Variants in ADAMTS18 observed in about 807,000 individuals in gnomAD.
ADAMTS18 encodes ADAM metallopeptidase with thrombospondin type 1 motif 18.
ADAMTS18 carries 157 observed loss-of-function variants against 165.9 expected under a neutral mutation model. The ratio of observed to expected loss-of-function variants is 0.95; its 90% CI spans 0.83 to 1.08. ADAMTS18 has a LOEUF of 1.08. Among genes scored for constraint, ADAMTS18 ranks in the 50% least tolerant of loss-of-function variants. The pLI is 0.00. For synonymous variants in ADAMTS18, 782 were observed against 578.2 expected (o/e 1.35, Z -5.06); for missense variants, 2,040 against 1,534.0 (o/e 1.33, Z -5.51).
At chr16:77,345,799 CAGTT>C (rs1426591069) in intron 10 of ADAMTS18, among the ~76,000 whole-genome samples, 3 of 152,176 alleles carry the variant, frequency 2.0e-5, no homozygotes, top group Non-Finnish European at 2.9e-5. Context: ...GGATGGCACT[CAGTT>C]AGGGAGAGCC....
At chr16:77,356,223 A>T (rs2056628292) in intron 8 of ADAMTS18, 146 bp from the exon 9 acceptor site, 2 of 1,009,942 alleles carry the variant, frequency 2.0e-6, no homozygotes, top group Non-Finnish European at 3.0e-6. Flanking sequence ...AAGGCAAATT[A>T]CTATAGATTG....
intron 3 of ADAMTS18, among the ~76,000 whole-genome samples, chr16:77,405,156 G>A (rs904330004): frequency 6.6e-6 from 1 of 152,158 alleles, no homozygotes; most frequent in African/African-American, 2.4e-5. Context: ...GCTGGGACTG[G>A]GAGAGAAAAT....
In ADAMTS18 at chr16:77,368,761, G is replaced by C. The variant is rs77717124; in HGVS notation, c.496-1038C>G. Among the ~76,000 whole-genome samples, 782 of 152,276 alleles carry C rather than the reference G, an allele frequency of 5.1e-3. 11 individuals carry two copies. Among genetic ancestry groups the C allele is most frequent in the African/African-American group, 0.018 (752 of 41,554 alleles). ...AATGTTTTTAAAAAAAATCAGCAAG[G>C]ATGGCAGAGAAAGGCATGAGTGATG... On this transcript the variant is annotated intron_variant, in intron 3 of 22. Coordinates refer to ENST00000282849, the MANE Select transcript of ADAMTS18 (RefSeq NM_199355.4).
At position 77,282,504 on chromosome 16, in the gene ADAMTS18, C is replaced by T. The variant is rs963252574; in HGVS notation, c.*1452G>A. 5 of 152,516 alleles carry T rather than the reference C, an allele frequency of 3.3e-5. No homozygotes were observed. The highest frequency in any genetic ancestry group is 3.4e-3 in the Middle Eastern group (1 of 294). 9.4% of individuals were successfully genotyped at this position (152,516 alleles called of 1,614,324 possible). On this transcript the variant is annotated 3_prime_UTR_variant, in exon 23 of 23. Transcript: ENST00000282849. ...CTCATGACTTTAATTAGAATGGGAA[C>T]GAAGTATGCTGCTAAATTTAACAAA... is the stretch of plus-strand genomic sequence containing the variant.
At position 77,367,455 on chromosome 16, in the gene ADAMTS18, C is replaced by G. The variant is rs1370235251; in HGVS notation, c.764G>C (p.Gly255Ala). 1.7e-5 allele frequency: 28 copies of G among 1,614,094 alleles called. No homozygotes were observed. The East Asian group carries it at 6.2e-4, about 36-fold the overall frequency. The change falls in exon 4 of 23, where the codon GGA becomes GCA. Residue 255 changes from glycine (G) to alanine (A), a missense_variant. Transcript: ENST00000282849. ...TCCTTACATACATTTCTTGCGTCGT[C>G]CACAAAAATGCTGCTTTTGCAACCT... is the stretch of plus-strand genomic sequence containing the variant. ...HRRLQKQHFC[G>A]RRKKYAPKPP...
chr16:77,332,957 TG>T (rs892793210), intron 12 of ADAMTS18, among the ~76,000 whole-genome samples: 1 of 152,228 alleles, frequency 6.6e-6, no homozygotes, highest in Non-Finnish European at 1.5e-5. Flanking sequence ...CAACACGTGT[TG>T]ATGTACATTC....
In ADAMTS18 at chr16:77,283,936, T is replaced by A. The variant is rs189963396; in HGVS notation, c.*20A>T. ...GAAAGGTAAGCCCCTGGCCCTAAGG[T>A]GCTGGGGAGGACACCAAGATCAGAT... On this transcript the variant is annotated 3_prime_UTR_variant, in exon 23 of 23. Coordinates refer to ENST00000282849, the MANE Select transcript of ADAMTS18 (RefSeq NM_199355.4). 6.5e-5 allele frequency: 103 copies of A among 1,579,980 alleles called. No individual in the cohort carries two copies. The East Asian group carries it at 2.0e-3, about 31-fold the overall frequency.
intron 16 of ADAMTS18, among the ~76,000 whole-genome samples, chr16:77,303,938 G>T (rs2055635424): frequency 6.6e-6 from 1 of 152,140 alleles, no homozygotes; most frequent in South Asian, 2.1e-4. Context: ...GCTGAGGCAG[G>T]AGAAGGGCGT....
rs1331401019 is a variant in ADAMTS18 at position 77,282,904 on chromosome 16, C to CTG, written c.*1051_*1052insCA. The CTG allele has an allele frequency of 3.9e-5, 3 of 77,760 alleles. No individual in the cohort carries two copies. The highest frequency in any genetic ancestry group is 8.1e-5 in the Non-Finnish European group (3 of 36,970). 4.8% of individuals were successfully genotyped at this position (77,760 alleles called of 1,614,324 possible). A position where few individuals can be genotyped will look rare whatever the true frequency, so the allele number is the denominator to read the frequency against. On this transcript the variant is annotated 3_prime_UTR_variant, in exon 23 of 23. Coordinates refer to ENST00000282849, the MANE Select transcript of ADAMTS18 (RefSeq NM_199355.4). Reference sequence around the variant, plus strand: ...TACCACTGTTTACTCCTTTCTTTCTCTCTTTTTTTTTTTTTTTTTTTTGCT... The same window carrying CTG: ...TACCACTGTTTACTCCTTTCTTTCTCTGTCTTTTTTTTTTTTTTTTTTTTGCT...
intron 3 of ADAMTS18, among the ~76,000 whole-genome samples, chr16:77,389,718 G>A (rs1014506779): frequency 6.6e-5 from 10 of 152,186 alleles, no homozygotes; most frequent in African/African-American, 1.7e-4. Context: ...AGAGGCTAAG[G>A]TTAGCCAAGT....
chr16:77,339,964 T>A (rs2056373972), intron 11 of ADAMTS18, among the ~76,000 whole-genome samples: 1 of 152,192 alleles, frequency 6.6e-6, no homozygotes, highest in East Asian at 1.9e-4. Context: ...CTTTTTATCA[T>A]CTAACTGAAG....
intron 7 of ADAMTS18, among the ~76,000 whole-genome samples, chr16:77,361,086 CAAA>C (rs1328370421): frequency 9.4e-6 from 1 of 106,078 alleles, no homozygotes; most frequent in East Asian, 2.2e-4. Context: ...GACACCATCT[CAAA>C]AAAATAAAAA....
chr16:77,334,398 G>A (rs1187081235), intron 12 of ADAMTS18, among the ~76,000 whole-genome samples: 7 of 104,926 alleles, frequency 6.7e-5, no homozygotes. Context: ...TATATATACT[G>A]TATATTATAG....
At chr16:77,339,133 A>T (rs2056358648) in intron 11 of ADAMTS18, among the ~76,000 whole-genome samples, 1 of 151,090 alleles carries the variant, frequency 6.6e-6, no homozygotes, top group Non-Finnish European at 1.5e-5. Flanking sequence ...CAGACACTCC[A>T]GATGAAACAA....
At chr16:77,396,801 CTTTTTT>C (rs59065639) in intron 3 of ADAMTS18, among the ~76,000 whole-genome samples, 1 of 142,710 alleles carries the variant, frequency 7.0e-6, no homozygotes, top group Non-Finnish European at 1.5e-5. Context: ...TCTTCATTGC[CTTTTTT>C]TTTTTTTTTA....
intron 3 of ADAMTS18, among the ~76,000 whole-genome samples, chr16:77,420,083 C>G (rs905856859): frequency 1.1e-4 from 17 of 149,376 alleles, no homozygotes; most frequent in South Asian, 2.2e-4. Context: ...CCCTTCGAAG[C>G]CTTTTTTTCT....
chr16:77,290,159 A>G (rs1317500731), intron 21 of ADAMTS18, among the ~76,000 whole-genome samples: 1 of 152,202 alleles, frequency 6.6e-6, no homozygotes, highest in Non-Finnish European at 1.5e-5. Context: ...AAGTCTTGTT[A>G]TCAAATTATC....
At chr16:77,355,818 T>A in intron 9 of ADAMTS18, 122 bp downstream of exon 9, 1 of 1,171,650 alleles carries the variant, frequency 8.5e-7, no homozygotes. Context: ...CATCATCATT[T>A]GTCTTTCTGT....
intron 11 of ADAMTS18, among the ~76,000 whole-genome samples, chr16:77,338,104 A>C (rs2056339426): frequency 6.6e-6 from 1 of 151,996 alleles, no homozygotes; most frequent in African/African-American, 2.4e-5. Flanking sequence ...GGGTTTCACC[A>C]CGTTGGCCAG....
Sources: allele counts gnomAD v4.1 joint callset (sites outside exome capture counted in the v4.1 genomes callset), GRCh38; gene constraint gnomAD v4.1.1; transcripts MANE v1.5; gene names NCBI Gene and HGNC (gene_info 2026-07-23, HGNC 2026-07-21).